The following MIPOL1 variants were observed in gnomAD, a reference collection of about 807,000 sequenced individuals.
The protein encoded by MIPOL1 is mirror-image polydactyly 1.
A neutral mutation model predicts 60.9 loss-of-function variants in MIPOL1; 57 were observed. That is an observed-to-expected ratio of 0.94 (90% CI 0.76 to 1.17). The LOEUF (loss-of-function observed/expected upper bound fraction) is 1.17, where lower values mean the gene tolerates loss of function less well. Ranked by LOEUF, MIPOL1 falls within the 50% of genes most tolerant of loss-of-function variation. The pLI is 0.00. For missense variants in MIPOL1, 551 were observed against 511.6 expected (o/e 1.08, Z -0.74); for synonymous variants, 179 against 168.8 (o/e 1.06, Z -0.47).
intron 6 of MIPOL1, among the ~76,000 whole-genome samples, chr14:37,284,533 C>T (rs184196623): frequency 6.6e-5 from 10 of 151,982 alleles, no homozygotes; most frequent in South Asian, 2.1e-4. Context: ...TTAGTAGAGA[C>T]GGGGTTTCAC....
At chr14:37,308,949 A>AT (rs2087036519) in intron 9 of MIPOL1, among the ~76,000 whole-genome samples, 1 of 151,808 alleles carries the variant, frequency 6.6e-6, no homozygotes, top group South Asian at 2.1e-4. Context: ...TTATTCATGT[A>AT]TTTTTTTCTG....
intron 9 of MIPOL1, among the ~76,000 whole-genome samples, chr14:37,356,380 C>G (rs1201222414): frequency 1.3e-5 from 2 of 152,002 alleles, no homozygotes; most frequent in Non-Finnish European, 2.9e-5. Context: ...GCCCTGCCCC[C>G]AGAGGTGAAG....
intron 1 of MIPOL1, among the ~76,000 whole-genome samples, chr14:37,225,248 C>T (rs915119338): frequency 6.6e-6 from 1 of 152,124 alleles, no homozygotes; most frequent in Non-Finnish European, 1.5e-5. Flanking sequence ...GCCCTTTTCT[C>T]ACAGCTCCAC....
chr14:37,363,615 C>G (rs1313596836), intron 9 of MIPOL1, among the ~76,000 whole-genome samples: 1 of 152,234 alleles, frequency 6.6e-6, no homozygotes, highest in Non-Finnish European at 1.5e-5. Context: ...GGCAGTCTGT[C>G]CATTCTCAAA....
At chr14:37,439,403 A>G (rs987344949) in intron 11 of MIPOL1, among the ~76,000 whole-genome samples, 4 of 152,290 alleles carry the variant, frequency 2.6e-5, no homozygotes, top group East Asian at 1.9e-4. Context: ...AATTGCTGGA[A>G]TTTTATTGTT....
At chr14:37,544,241 A>G (rs1204353248) in intron 12 of MIPOL1, among the ~76,000 whole-genome samples, 2 of 152,222 alleles carry the variant, frequency 1.3e-5, no homozygotes, top group Non-Finnish European at 2.9e-5. Context: ...GATAAAAGAA[A>G]CAAAAATCAT....
In MIPOL1 at chr14:37,266,585, A is replaced by G. The variant is rs377325125; in HGVS notation, c.20-353A>G. On this transcript the variant is annotated intron_variant, in intron 3 of 12. Transcript: ENST00000684589. Reference sequence around the variant, plus strand: ...TAACAAACATTGCCCCTAGGGACATATTTTTAAAAAACTCTTAGGCCCCAC... The same window carrying G: ...TAACAAACATTGCCCCTAGGGACATGTTTTTAAAAAACTCTTAGGCCCCAC... 2.6e-5 allele frequency among the ~76,000 whole-genome samples: 4 copies of G among 152,270 alleles called. No individual in the cohort carries two copies. The East Asian group carries it at 5.8e-4, about 22-fold the overall frequency.
At chr14:37,254,737 G>C (rs1974648730) in intron 3 of MIPOL1, among the ~76,000 whole-genome samples, 1 of 151,522 alleles carries the variant, frequency 6.6e-6, no homozygotes, top group Admixed American at 6.6e-5. Context: ...AGTTCACACT[G>C]TACTCTTCAT....
At chr14:37,204,969 G>A (rs1965852789) in intron 1 of MIPOL1, among the ~76,000 whole-genome samples, 1 of 152,200 alleles carries the variant, frequency 6.6e-6, no homozygotes, top group African/African-American at 2.4e-5. Flanking sequence ...GGCTGAGGTG[G>A]TCTCAGATAG....
At chr14:37,257,095 T>TTGTGTGTG (rs61079220) in intron 3 of MIPOL1, among the ~76,000 whole-genome samples, 7,250 of 137,686 alleles carry the variant, frequency 0.053, 348 homozygotes, top group East Asian at 0.28. Flanking sequence ...TGGTTTTGTT[T>TTGTGTGTG]TGTGTGTGTG....
rs915988247 is a variant in MIPOL1 at position 37,549,122 on chromosome 14, C to T, written c.*2151C>T. 1 of 151,860 alleles carries T rather than the reference C, an allele frequency of 6.6e-6. No homozygotes were observed. Among genetic ancestry groups the T allele is most frequent in the Non-Finnish European group, 1.5e-5 (1 of 67,808 alleles). 9.4% of individuals were successfully genotyped at this position (151,860 alleles called of 1,614,324 possible). A position where few individuals can be genotyped will look rare whatever the true frequency, so the allele number is the denominator to read the frequency against. ...TATTTTTTCTGTATGAAGGAATAGC[C>T]TTGCCTACTGAAGATAGGTTCTCTA... On this transcript the variant is annotated 3_prime_UTR_variant, in exon 13 of 13. Coordinates refer to ENST00000684589, the MANE Select transcript of MIPOL1 (RefSeq NM_001388067.1).
chr14:37,287,881 A>T (rs1259221950), intron 7 of MIPOL1, among the ~76,000 whole-genome samples: 2 of 151,486 alleles, frequency 1.3e-5, no homozygotes, highest in South Asian at 4.2e-4. Context: ...TGCCTGCCTC[A>T]GCCTCCCAAA....
intron 7 of MIPOL1, among the ~76,000 whole-genome samples, chr14:37,285,729 C>T (rs550539656): frequency 1.3e-5 from 2 of 151,894 alleles, no homozygotes; most frequent in South Asian, 4.2e-4. Flanking sequence ...GTAGCTGGGA[C>T]TACAGGCGCC....
At chr14:37,244,436 T>C (rs755710661) in intron 1 of MIPOL1, among the ~76,000 whole-genome samples, 2 of 152,056 alleles carry the variant, frequency 1.3e-5, no homozygotes, top group Non-Finnish European at 2.9e-5. Flanking sequence ...CTTTTTTATA[T>C]ACTGAAAATT....
chr14:37,278,835 T>G (rs1384289538), intron 6 of MIPOL1: 3 of 151,934 alleles, frequency 2.0e-5, no homozygotes, highest in African/African-American at 7.2e-5. Context: ...TAAGAAAATA[T>G]GTACTCTGCC....
At chr14:37,433,191 G>T (rs1481490057) in intron 11 of MIPOL1, among the ~76,000 whole-genome samples, 2 of 152,050 alleles carry the variant, frequency 1.3e-5, no homozygotes, top group Non-Finnish European at 2.9e-5. Context: ...CTCCTGAGTA[G>T]CTAGGACTAC....
rs71127213 is a variant in MIPOL1 at position 37,361,610 on chromosome 14, C to CTTTTTTTTTTTTTTTTT, written c.829-7896_829-7880dup. On this transcript the variant is annotated intron_variant, in intron 9 of 12. Transcript: ENST00000684589. ...GCCTTTTTTGTTTCTCCCTCTCTCT[C>CTTTTTTTTTTTTTTTTT]TTTTTTTTTTTTTTTTTTTTTTTTT... 2.4e-5 allele frequency among the ~76,000 whole-genome samples: 2 copies of CTTTTTTTTTTTTTTTTT among 82,548 alleles called. 1 individual carries two copies. The allele number at this position is 82,548 out of a possible 152,430, so 54.2% of individuals were successfully genotyped here. A position where few individuals can be genotyped will look rare whatever the true frequency, so the allele number is the denominator to read the frequency against.
chr14:37,455,642 C>G (rs975424597), intron 11 of MIPOL1, among the ~76,000 whole-genome samples: 3 of 152,106 alleles, frequency 2.0e-5, no homozygotes, highest in Non-Finnish European at 2.9e-5. Context: ...CCACTCTCCC[C>G]TCTCATTCAC....
At chr14:37,357,950 A>G (rs2091959415) in intron 9 of MIPOL1, among the ~76,000 whole-genome samples, 1 of 151,876 alleles carries the variant, frequency 6.6e-6, no homozygotes, top group Non-Finnish European at 1.5e-5. Context: ...TCAACTCGTC[A>G]TTTATGTTAG....
Sources: gnomAD v4.1 joint callset for allele counts (sites outside exome capture counted in the v4.1 genomes callset) on GRCh38, gnomAD v4.1.1 for gene constraint, MANE v1.5 for transcripts, NCBI Gene and HGNC (gene_info 2026-07-23, HGNC 2026-07-21) for gene names.